Variants in CNTNAP2 observed in about 807,000 individuals in gnomAD.
The protein encoded by CNTNAP2 is contactin associated protein 2, also known as contactin-associated protein-like 2.
Under a neutral mutation model 155.2 loss-of-function variants are expected in CNTNAP2, and 98 were observed. The observed-to-expected ratio is 0.63, with a 90% confidence interval of 0.54 to 0.75. The LOEUF (loss-of-function observed/expected upper bound fraction) is 0.75, where lower values mean the gene tolerates loss of function less well. Ranked by LOEUF, CNTNAP2 falls within the 30% of genes least tolerant of loss-of-function variation. The pLI, the probability that CNTNAP2 is intolerant of heterozygous loss-of-function variation, is 0.00. For synonymous variants in CNTNAP2, 651 were observed against 631.2 expected (o/e 1.03, Z -0.47); for missense variants, 1,727 against 1,688.1 (o/e 1.02, Z -0.40).
intron 21 of CNTNAP2, among the ~76,000 whole-genome samples, chr7:148,330,930 CGG>C (rs1797987720): frequency 8.9e-6 from 1 of 112,606 alleles, no homozygotes. Flanking sequence ...ATGGAATGGA[CGG>C]ATGGAATTGG....
At chr7:146,904,562 C>T (rs756148883) in intron 3 of CNTNAP2, among the ~76,000 whole-genome samples, 5 of 152,142 alleles carry the variant, frequency 3.3e-5, no homozygotes, top group Non-Finnish European at 7.3e-5. Flanking sequence ...AGCTGCGCCT[C>T]CCAGGTTCAC....
intron 9 of CNTNAP2, among the ~76,000 whole-genome samples, chr7:147,359,986 G>T (rs1181510680): frequency 6.6e-6 from 1 of 151,974 alleles, no homozygotes; most frequent in Non-Finnish European, 1.5e-5. Flanking sequence ...AAAGAATTTT[G>T]TCTGTTTTTT....
intron 8 of CNTNAP2, among the ~76,000 whole-genome samples, chr7:147,237,883 T>C (rs1270001830): frequency 1.3e-5 from 2 of 152,268 alleles, no homozygotes; most frequent in African/African-American, 2.4e-5. Flanking sequence ...TATCAGGTTG[T>C]AAACACTCAC....
intron 10 of CNTNAP2, among the ~76,000 whole-genome samples, chr7:147,396,101 A>G (rs1172626214): frequency 7.4e-5 from 11 of 147,976 alleles, no homozygotes; most frequent in Admixed American, 6.8e-4. Context: ...ATATATATGT[A>G]TATATAGCAT....
chr7:147,884,430 A>T (rs1056603569), intron 13 of CNTNAP2, among the ~76,000 whole-genome samples: 1 of 152,142 alleles, frequency 6.6e-6, no homozygotes, highest in Non-Finnish European at 1.5e-5. Context: ...AACCAAAAAC[A>T]TATCTGAATA....
chr7:146,310,702 A>T (rs1437240577), intron 1 of CNTNAP2, among the ~76,000 whole-genome samples: 1 of 152,128 alleles, frequency 6.6e-6, no homozygotes, highest in African/African-American at 2.4e-5. Context: ...CTACGATCAA[A>T]GTAGCAACTT....
chr7:146,446,506 A>G (rs768370151), intron 1 of CNTNAP2, among the ~76,000 whole-genome samples: 16 of 152,164 alleles, frequency 1.1e-4, no homozygotes, highest in Admixed American at 2.6e-4. Context: ...ATCAGTGAAC[A>G]TTTATTCTTA....
chr7:146,132,426 T>C (rs1797728557), intron 1 of CNTNAP2, among the ~76,000 whole-genome samples: 1 of 152,146 alleles, frequency 6.6e-6, no homozygotes, highest in South Asian at 2.1e-4. Context: ...ATTTATTTTT[T>C]TATTATACTT....
chr7:146,234,287 T>C (rs1229919556), intron 1 of CNTNAP2, among the ~76,000 whole-genome samples: 1 of 152,254 alleles, frequency 6.6e-6, no homozygotes, highest in African/African-American at 2.4e-5. Context: ...TCTGTTCATG[T>C]CCTTCGCCCA....
intron 4 of CNTNAP2, among the ~76,000 whole-genome samples, chr7:147,103,418 A>C (rs1249325200): frequency 1.3e-5 from 2 of 152,238 alleles, no homozygotes; most frequent in East Asian, 3.9e-4. Context: ...GAAACTTGCA[A>C]AATAAGCAAA....
At chr7:146,835,174 G>A (rs960689777) in intron 2 of CNTNAP2, among the ~76,000 whole-genome samples, 1 of 152,202 alleles carries the variant, frequency 6.6e-6, no homozygotes, top group African/African-American at 2.4e-5. Context: ...TTAAGCAGCT[G>A]TATGTTAGTT....
intron 1 of CNTNAP2, among the ~76,000 whole-genome samples, chr7:146,469,593 G>C (rs899899605): frequency 2.7e-5 from 4 of 149,390 alleles, no homozygotes. Flanking sequence ...CGCAATCTTG[G>C]CTCACTGCAA....
In CNTNAP2 at chr7:146,613,087, T is replaced by C. The variant is rs150107727; in HGVS notation, c.98-161184T>C. Among the ~76,000 whole-genome samples the C allele has an allele frequency of 3.9e-3, 595 of 152,290 alleles. 2 individuals carry two copies. Among genetic ancestry groups the C allele is most frequent in the African/African-American group, 0.014 (567 of 41,566 alleles). On this transcript the variant is annotated intron_variant, in intron 1 of 23. Coordinates refer to ENST00000361727, the MANE Select transcript of CNTNAP2 (RefSeq NM_014141.6). Reference sequence around the variant, plus strand: ...GTCTTCCTTATATTTTCCCTATCTATAGATTTGTTTACTCAAGGAGCTCTA... The same window carrying C: ...GTCTTCCTTATATTTTCCCTATCTACAGATTTGTTTACTCAAGGAGCTCTA...
At chr7:146,814,668 C>T (rs1353634791) in intron 2 of CNTNAP2, among the ~76,000 whole-genome samples, 1 of 151,846 alleles carries the variant, frequency 6.6e-6, no homozygotes, top group Non-Finnish European at 1.5e-5. Context: ...TTCTGAAAAC[C>T]CAGTAAGTTA....
chr7:147,810,370 T>C (rs1798160732), intron 13 of CNTNAP2, among the ~76,000 whole-genome samples: 2 of 151,990 alleles, frequency 1.3e-5, no homozygotes, highest in South Asian at 4.1e-4. Context: ...CTTTCTCCCT[T>C]ATTTTCACTT....
At chr7:147,443,531 T>C (rs1260306362) in intron 10 of CNTNAP2, among the ~76,000 whole-genome samples, 1 of 152,082 alleles carries the variant, frequency 6.6e-6, no homozygotes, top group Non-Finnish European at 1.5e-5. Flanking sequence ...GTTCATTTGG[T>C]TTTTGGTCCT....
At chr7:147,787,504 A>G (rs1017358382) in intron 13 of CNTNAP2, among the ~76,000 whole-genome samples, 2 of 152,266 alleles carry the variant, frequency 1.3e-5, no homozygotes, top group Non-Finnish European at 2.9e-5. Flanking sequence ...TCATTAATTA[A>G]TGGCTTAAAT....
intron 13 of CNTNAP2, among the ~76,000 whole-genome samples, chr7:147,670,213 T>G (rs1362687908): frequency 1.3e-5 from 2 of 152,184 alleles, no homozygotes; most frequent in Non-Finnish European, 2.9e-5. Context: ...TTCCGGGTTC[T>G]TGAGTCCATG....
At chr7:146,876,478 C>A (rs1043895905) in intron 3 of CNTNAP2, among the ~76,000 whole-genome samples, 2 of 152,208 alleles carry the variant, frequency 1.3e-5, no homozygotes, top group Middle Eastern at 6.8e-3. Flanking sequence ...AAATAAATGT[C>A]CTTCCTAGAA....
Sources: gnomAD v4.1 joint callset for allele counts (sites outside exome capture counted in the v4.1 genomes callset) on GRCh38, gnomAD v4.1.1 for gene constraint, MANE v1.5 for transcripts, NCBI Gene and HGNC (gene_info 2026-07-23, HGNC 2026-07-21) for gene names.